PTPRG: variants seen among roughly 807,000 people sequenced by gnomAD.
PTPRG encodes receptor-type tyrosine-protein phosphatase gamma.
In PTPRG, 102 loss-of-function variants were observed where a neutral mutation model predicts 165.3. The ratio of observed to expected loss-of-function variants is 0.62; its 90% CI spans 0.53 to 0.73. The LOEUF is 0.73. PTPRG is among the 30% of genes least tolerant of loss of function. The probability of loss-of-function intolerance (pLI) is 0.00; values close to 1 mark genes in which losing one functional copy is unlikely to be tolerated. For synonymous variants in PTPRG, 675 were observed against 669.5 expected, an observed-to-expected ratio of 1.01 and a Z score of -0.13; for missense variants, 1,866 against 1,861.4, an observed-to-expected ratio of 1.00 and a Z score of -0.05.
chr3:62,075,527 G>A (rs191391704), intron 4 of PTPRG, among the ~76,000 whole-genome samples: 1 of 152,256 alleles, frequency 6.6e-6, no homozygotes, highest in Non-Finnish European at 1.5e-5. Flanking sequence ...TACAGTCTTA[G>A]GAAAAAGAAT....
At chr3:62,102,361 G>A (rs1057196822) in intron 5 of PTPRG, among the ~76,000 whole-genome samples, 3 of 151,996 alleles carry the variant, frequency 2.0e-5, no homozygotes, top group Admixed American at 6.6e-5. Context: ...TGCAACCTCC[G>A]CCTCCTGGGT....
At chr3:62,185,528 C>T (rs958487274) in intron 8 of PTPRG, among the ~76,000 whole-genome samples, 1 of 152,018 alleles carries the variant, frequency 6.6e-6, no homozygotes, top group African/African-American at 2.4e-5. Flanking sequence ...GCCTTGGGGG[C>T]CAGAGAGCTG....
At chr3:62,041,467 T>C (rs1033139846) in intron 4 of PTPRG, among the ~76,000 whole-genome samples, 12 of 152,222 alleles carry the variant, frequency 7.9e-5, no homozygotes, top group Non-Finnish European at 1.5e-5. Context: ...TAACAAAGGA[T>C]TGAGCATGTC....
chr3:62,103,262 G>T (rs1290197179), intron 5 of PTPRG, among the ~76,000 whole-genome samples: 1 of 152,028 alleles, frequency 6.6e-6, no homozygotes, highest in African/African-American at 2.4e-5. Context: ...CTTGTGCATT[G>T]TTCTAGGACA....
chr3:62,256,581 G>T (rs1701541845), intron 16 of PTPRG, among the ~76,000 whole-genome samples: 1 of 152,160 alleles, frequency 6.6e-6, no homozygotes, highest in Non-Finnish European at 1.5e-5. Flanking sequence ...TATTCATGAG[G>T]ACAGCAAATG....
At chr3:61,932,660 G>A (rs942026133) in intron 2 of PTPRG, among the ~76,000 whole-genome samples, 1 of 152,224 alleles carries the variant, frequency 6.6e-6, no homozygotes. Context: ...GAAGCCCAGA[G>A]AGGTCATGAC....
intron 1 of PTPRG, among the ~76,000 whole-genome samples, chr3:61,620,127 T>A (rs1232009971): frequency 6.6e-6 from 1 of 152,126 alleles, no homozygotes; most frequent in African/African-American, 2.4e-5. Flanking sequence ...TGATGGCACT[T>A]CTGATTTTTT....
chr3:62,021,072 A>G (rs969714809), intron 4 of PTPRG, among the ~76,000 whole-genome samples: 1 of 152,160 alleles, frequency 6.6e-6, no homozygotes, highest in African/African-American at 2.4e-5. Context: ...GACTCTGGTC[A>G]TCTGTTGAAC....
At position 62,271,377 on chromosome 3, in the gene PTPRG, TCA is replaced by T; in HGVS notation, c.3010-3_3010-2del. On this transcript the variant is annotated splice_region_variant and splice_polypyrimidine_tract_variant and intron_variant, in intron 20 of 29. Coordinates refer to ENST00000474889, the MANE Select transcript of PTPRG (RefSeq NM_002841.4). This position sits in a 1 kb window ranked among gnomAD's most constrained non-coding sequence, Gnocchi z 4.1. ...TTAAAGACATCTTTTTTCACTTTTCTCACAGGGTCAGAAGGGAAATCCCAAGG... is the reference window on the plus strand; with the variant it reads ...TTAAAGACATCTTTTTTCACTTTTCTCAGGGTCAGAAGGGAAATCCCAAGG... The T allele has an allele frequency of 1.3e-6, 2 of 1,585,394 alleles. No individual in the cohort carries two copies. The highest frequency in any genetic ancestry group is 1.7e-6 in the Non-Finnish European group (2 of 1,167,888).
chr3:61,636,796 A>G (rs896444772), intron 1 of PTPRG, among the ~76,000 whole-genome samples: 1 of 152,116 alleles, frequency 6.6e-6, no homozygotes, highest in African/African-American at 2.4e-5. Flanking sequence ...TTTGTATGAA[A>G]CACTGCTCTG....
At chr3:61,681,923 G>A (rs1226790931) in intron 1 of PTPRG, among the ~76,000 whole-genome samples, 1 of 152,110 alleles carries the variant, frequency 6.6e-6, no homozygotes. Context: ...ACTGAAGCTG[G>A]TGGATCACTT....
chr3:61,714,709 A>T (rs530855749), intron 1 of PTPRG, among the ~76,000 whole-genome samples: 8 of 152,192 alleles, frequency 5.3e-5, no homozygotes, highest in Admixed American at 1.3e-4. Flanking sequence ...TCCTTCCACC[A>T]GGAGGGCTGC....
chr3:61,734,652 T>TGCCTGATAGG (rs577885310), intron 1 of PTPRG, among the ~76,000 whole-genome samples: 4 of 152,336 alleles, frequency 2.6e-5, no homozygotes, highest in Admixed American at 6.5e-5. Flanking sequence ...CATTTAATTT[T>TGCCTGATAGG]GCCTGATAGG....
At chr3:62,206,175 C>T (rs559587565) in intron 12 of PTPRG, among the ~76,000 whole-genome samples, 5 of 152,236 alleles carry the variant, frequency 3.3e-5, no homozygotes, top group East Asian at 1.9e-4. Context: ...GGACTGGGAC[C>T]GCCCCAGGTA....
chr3:61,863,301 T>G (rs950083330), intron 2 of PTPRG, among the ~76,000 whole-genome samples: 3 of 152,234 alleles, frequency 2.0e-5, no homozygotes, highest in Admixed American at 2.0e-4. Flanking sequence ...CTGTATGCCT[T>G]CCTTGGAGAT....
intron 6 of PTPRG, among the ~76,000 whole-genome samples, chr3:62,146,126 A>G (rs1044734117): frequency 2.0e-5 from 3 of 152,168 alleles, no homozygotes; most frequent in Non-Finnish European, 4.4e-5. Flanking sequence ...TCACTGTATG[A>G]CTCTATATAA....
At chr3:61,846,743 C>T (rs575507725) in intron 2 of PTPRG, among the ~76,000 whole-genome samples, 2 of 152,264 alleles carry the variant, frequency 1.3e-5, no homozygotes, top group South Asian at 4.1e-4. Flanking sequence ...GGCAAAACCC[C>T]GTCTCTACTA....
At chr3:61,721,774 A>C (rs973962550) in intron 1 of PTPRG, among the ~76,000 whole-genome samples, 2 of 152,154 alleles carry the variant, frequency 1.3e-5, no homozygotes, top group Non-Finnish European at 2.9e-5. Flanking sequence ...GTAAGGGAAG[A>C]CCCAACTCAG....
At chr3:62,292,586 T>A in intron 29 of PTPRG, 30 bp downstream of exon 29, 1 of 1,605,780 alleles carries the variant, frequency 6.2e-7, no homozygotes. Context: ...GTAAAACCTG[T>A]ACTACATCAG....
Sources: gnomAD v4.1 joint callset for allele counts (sites outside exome capture counted in the v4.1 genomes callset) on GRCh38, gnomAD v4.1.1 for gene constraint, Gnocchi (gnomAD v3.1) non-coding constraint, MANE v1.5 for transcripts, NCBI Gene and HGNC (gene_info 2026-07-23, HGNC 2026-07-21) for gene names.